The following ST6GAL1 variants were observed in gnomAD, a reference collection of about 807,000 sequenced individuals.
ST6GAL1 encodes beta-galactoside alpha-2,6-sialyltransferase 1.
ST6GAL1 carries 20 observed loss-of-function variants against 38.0 expected under a neutral mutation model. The observed-to-expected ratio is 0.53, with a 90% CI of 0.37 to 0.77. ST6GAL1 has a LOEUF of 0.77. Among genes scored for constraint, ST6GAL1 ranks in the 30% least tolerant of loss-of-function variants. ST6GAL1 has a pLI of 0.00. For synonymous variants in ST6GAL1, 196 were observed against 188.2 expected (o/e 1.04, Z -0.34); for missense variants, 432 against 496.4 (o/e 0.87, Z 1.23).
intron 2 of ST6GAL1, among the ~76,000 whole-genome samples, chr3:186,994,662 C>T (rs1716302290): frequency 6.6e-6 from 1 of 151,984 alleles, no homozygotes; most frequent in Non-Finnish European, 1.5e-5. Flanking sequence ...AAGATAGAGA[C>T]CCTTTAAAAA....
At chr3:187,047,102 C>A (rs992354904) in intron 4 of ST6GAL1, among the ~76,000 whole-genome samples, 1 of 152,062 alleles carries the variant, frequency 6.6e-6, no homozygotes, top group Admixed American at 6.6e-5. Context: ...CCTGCCACCA[C>A]GCCTGGCTAA....
chr3:187,023,675 A>C (rs1031076108), intron 2 of ST6GAL1, among the ~76,000 whole-genome samples: 4 of 152,144 alleles, frequency 2.6e-5, no homozygotes, highest in Non-Finnish European at 5.9e-5. Flanking sequence ...CATAGGTGGG[A>C]ATTGAACAGT....
intron 5 of ST6GAL1, among the ~76,000 whole-genome samples, chr3:187,064,152 A>G (rs1205732282): frequency 6.6e-6 from 1 of 152,116 alleles, no homozygotes; most frequent in Non-Finnish European, 1.5e-5. Context: ...ATTTTTAGGG[A>G]AAAAAAGGTA....
intron 2 of ST6GAL1, among the ~76,000 whole-genome samples, chr3:187,008,802 TCC>T (rs1716864496): frequency 1.3e-5 from 2 of 152,236 alleles, no homozygotes; most frequent in African/African-American, 4.8e-5. Flanking sequence ...TAGATTTATT[TCC>T]TTTAAGTCTT....
intron 2 of ST6GAL1, among the ~76,000 whole-genome samples, chr3:186,997,731 T>G (rs1425254122): frequency 6.7e-6 from 1 of 150,034 alleles, no homozygotes; most frequent in Non-Finnish European, 1.5e-5. Flanking sequence ...CGCTCCAGCC[T>G]AGGACAGAGT....
In ST6GAL1 at chr3:187,023,850, G is replaced by A. The variant is rs566154379; in HGVS notation, c.-182-14892G>A. 9.3e-5 allele frequency among the ~76,000 whole-genome samples: 14 copies of A among 150,662 alleles called. No individual in the cohort carries two copies. The South Asian group carries it at 1.7e-3, about 18-fold the overall frequency. ...GTATACATATGTAACAAACCTGCAC[G>A]TTGTGCACATGTACCCTAAAACTTA... On this transcript the variant is annotated intron_variant, in intron 2 of 7. Transcript: ENST00000169298.
intron 1 of ST6GAL1, among the ~76,000 whole-genome samples, chr3:186,941,236 A>C (rs1714160791): frequency 6.6e-6 from 1 of 152,152 alleles, no homozygotes; most frequent in Admixed American, 6.6e-5. Context: ...GAGAACTGGC[A>C]CTTAAGTGGT....
At chr3:186,967,477 C>T (rs532594132) in intron 2 of ST6GAL1, among the ~76,000 whole-genome samples, 31 of 152,330 alleles carry the variant, frequency 2.0e-4, no homozygotes, top group East Asian at 1.7e-3. Flanking sequence ...CAAGTGTGAG[C>T]GACTGCGCCT....
chr3:187,068,346 A>G (rs1425111699), intron 5 of ST6GAL1, among the ~76,000 whole-genome samples: 3 of 151,356 alleles, frequency 2.0e-5, no homozygotes, highest in Non-Finnish European at 3.0e-5. Context: ...CATCTCAAAA[A>G]AAAAAAAAAA....
chr3:187,017,478 AG>A (rs1370714657), intron 2 of ST6GAL1, among the ~76,000 whole-genome samples: 1 of 135,534 alleles, frequency 7.4e-6, no homozygotes. Flanking sequence ...CTGTGAGATT[AG>A]GGGTGGGAGG....
At chr3:186,977,355 T>G (rs1715554193) in intron 2 of ST6GAL1, among the ~76,000 whole-genome samples, 1 of 152,220 alleles carries the variant, frequency 6.6e-6, no homozygotes, top group Non-Finnish European at 1.5e-5. Flanking sequence ...GCGAGCTATT[T>G]TGGCTTCCTC....
At chr3:187,051,492 A>G (rs1579361549) in intron 5 of ST6GAL1, 146 bp downstream of exon 5, 2 of 681,344 alleles carry the variant, frequency 2.9e-6, no homozygotes, top group African/African-American at 1.8e-5. Flanking sequence ...GGAGAAGAAG[A>G]CAATGATTCC....
At chr3:186,969,855 G>A (rs979508507) in intron 2 of ST6GAL1, among the ~76,000 whole-genome samples, 6 of 152,344 alleles carry the variant, frequency 3.9e-5, no homozygotes, top group African/African-American at 1.4e-4. Context: ...AACAGGAAAC[G>A]TCGTGGTACA....
chr3:187,042,155 C>G (rs1718146062), intron 3 of ST6GAL1, among the ~76,000 whole-genome samples: 1 of 151,892 alleles, frequency 6.6e-6, no homozygotes, highest in South Asian at 2.1e-4. Context: ...TGTTGGGCCA[C>G]TTACTATTTT....
At chr3:187,068,632 A>AATTT (rs1301350782) in intron 5 of ST6GAL1, among the ~76,000 whole-genome samples, 1 of 152,208 alleles carries the variant, frequency 6.6e-6, no homozygotes, top group Admixed American at 6.5e-5. Flanking sequence ...ATTTCTGAGG[A>AATTT]CGGTGAAGCC....
rs181421423 is a variant in ST6GAL1, at chr3:187,031,808, A to G, written c.-182-6934A>G. 1.1e-4 allele frequency among the ~76,000 whole-genome samples: 17 copies of G among 152,314 alleles called. No homozygotes were observed. The East Asian group carries it at 3.3e-3, about 29-fold the overall frequency. ...TTGTTATTATTACTATTTCTATTTT[A>G]TAGATAAAGATGTCTTAAATCTTGG... On this transcript the variant is annotated intron_variant, in intron 2 of 7. Transcript: ENST00000169298.
At chr3:187,021,239 G>A (rs962025867) in intron 2 of ST6GAL1, among the ~76,000 whole-genome samples, 3 of 152,056 alleles carry the variant, frequency 2.0e-5, no homozygotes, top group African/African-American at 7.2e-5. Context: ...TGGGAATACA[G>A]GCGTGAGCCA....
At chr3:187,047,103 G>A (rs1368814819) in intron 4 of ST6GAL1, among the ~76,000 whole-genome samples, 3 of 152,014 alleles carry the variant, frequency 2.0e-5, no homozygotes, top group Non-Finnish European at 2.9e-5. Context: ...CTGCCACCAC[G>A]CCTGGCTAAT....
rs1717176475 is a variant in ST6GAL1, at chr3:187,018,105, C to T, written c.-182-20637C>T. Among the ~76,000 whole-genome samples the T allele has an allele frequency of 2.0e-5, 3 of 152,120 alleles. No individual in the cohort carries two copies. In the South Asian group the frequency reaches 6.2e-4, roughly 32 times the overall value. ...GTTTCCAACATAACTGCTACTCTGC[C>T]TTTGCCTGGTGAGTGCTGAGATGGA... is the stretch of plus-strand genomic sequence containing the variant. On this transcript the variant is annotated intron_variant, in intron 2 of 7. Transcript: ENST00000169298.
Sources: allele counts gnomAD v4.1 joint callset (sites outside exome capture counted in the v4.1 genomes callset), GRCh38; gene constraint gnomAD v4.1.1; transcripts MANE v1.5; gene names NCBI Gene and HGNC (gene_info 2026-07-23, HGNC 2026-07-21).